Variants in TRIM14 observed in about 807,000 individuals in gnomAD.
The protein encoded by TRIM14 is tripartite motif-containing protein 14.
A neutral mutation model predicts 44.5 loss-of-function variants in TRIM14; 28 were observed. That is an observed-to-expected ratio of 0.63 (90% confidence interval 0.47 to 0.86). The LOEUF is 0.86. Among genes scored for constraint, TRIM14 ranks in the 40% least tolerant of loss-of-function variants. The pLI, the probability that TRIM14 is intolerant of heterozygous loss-of-function variation, is 0.00. For synonymous variants in TRIM14, 299 were observed against 269.2 expected (o/e 1.11, Z -1.08); for missense variants, 607 against 611.1 (o/e 0.99, Z 0.07).
downstream of TRIM14, chr9:98,081,085 G>A (rs1218711861): frequency 3.7e-6 from 6 of 1,614,088 alleles, no homozygotes; most frequent in Middle Eastern, 1.7e-4. Context: ...ATGAGAAGGT[G>A]TGTCCTGCCG....
chr9:98,061,252 G>T, the TRIM14 span: 1 of 447,346 alleles, frequency 2.2e-6, no homozygotes, highest in Non-Finnish European at 4.1e-6. Flanking sequence ...TGAGGGGGAT[G>T]GATCACCTGA....
At chr9:98,098,460 C>G (rs957111859) in intron 3 of TRIM14, among the ~76,000 whole-genome samples, 1 of 151,980 alleles carries the variant, frequency 6.6e-6, no homozygotes, top group African/African-American at 2.4e-5. Context: ...GCCTGTAATC[C>G]CAGCACTTTG....
In TRIM14 at chr9:98,087,818, G is replaced by A; in HGVS notation, c.981C>T (p.Asp327=). The part of the protein sequence containing the change: ...FATGRHYWEV[D]VQEAGAGWWV... Reference sequence around the variant, plus strand: ...ACCAGCCGGCGCCCGCCTCCTGCACGTCAACCTCCCAGTAGTGGCGGCCGG... The same window carrying A: ...ACCAGCCGGCGCCCGCCTCCTGCACATCAACCTCCCAGTAGTGGCGGCCGG... Residue 327 remains aspartate, a synonymous_variant, in exon 6 of 6, where the codon GAC becomes GAT. Transcript: ENST00000341469. The A allele has an allele frequency of 6.5e-7, 1 of 1,530,674 alleles. No homozygotes were observed. The highest frequency in any genetic ancestry group is 1.2e-5 in the South Asian group (1 of 82,536). 94.8% of individuals were successfully genotyped at this position (1,530,674 alleles called of 1,614,324 possible). A position where few individuals can be genotyped will look rare whatever the true frequency, so the allele number is the denominator to read the frequency against.
the TRIM14 span, among the ~76,000 whole-genome samples, chr9:98,059,451 G>C: frequency 3.9e-5 from 6 of 152,104 alleles, no homozygotes; most frequent in African/African-American, 1.4e-4. Flanking sequence ...GTCTCACTCT[G>C]TTGCTCAGGC....
downstream of TRIM14, among the ~76,000 whole-genome samples, chr9:98,065,652 T>TC (rs921547175): frequency 4.0e-5 from 6 of 150,956 alleles, no homozygotes; most frequent in African/African-American, 1.5e-4. Flanking sequence ...TTTTTTTTTT[T>TC]CCCCCTGGAG....
chr9:98,048,344 G>T, the TRIM14 span, among the ~76,000 whole-genome samples: 1 of 152,086 alleles, frequency 6.6e-6, no homozygotes, highest in East Asian at 1.9e-4. Context: ...TCCTCACCCT[G>T]TTCTACAAAG....
the TRIM14 span, among the ~76,000 whole-genome samples, chr9:98,042,748 T>G: frequency 1.1e-4 from 17 of 151,858 alleles, no homozygotes; most frequent in African/African-American, 3.6e-4. Context: ...TGCGCACCTG[T>G]AGTACCAGCT....
chr9:98,073,610 C>T (rs1210716204), intron 6 of TRIM14, among the ~76,000 whole-genome samples: 2 of 149,318 alleles, frequency 1.3e-5, no homozygotes, highest in African/African-American at 4.9e-5. Context: ...TTTTCCAATC[C>T]TGAAGGATCC....
intron 3 of TRIM14, among the ~76,000 whole-genome samples, chr9:98,099,507 T>A (rs1826312041): frequency 6.7e-6 from 1 of 149,622 alleles, no homozygotes; most frequent in Admixed American, 6.6e-5. Flanking sequence ...GCAGGGTCCC[T>A]TGTGGGTTTA....
chr9:98,080,847 T>C (rs775287975), downstream of TRIM14: 49 of 1,604,980 alleles, frequency 3.1e-5, no homozygotes, highest in Middle Eastern at 1.7e-4. Context: ...GACATTCCCA[T>C]AGGGTATTCT....
intron 3 of TRIM14, among the ~76,000 whole-genome samples, chr9:98,098,493 C>T (rs1328185403): frequency 2.0e-5 from 3 of 151,928 alleles, no homozygotes; most frequent in Non-Finnish European, 4.4e-5. Context: ...GGGCGGATCA[C>T]GAGGTCAGGA....
the TRIM14 span, among the ~76,000 whole-genome samples, chr9:98,046,478 G>A: frequency 1.3e-5 from 2 of 151,120 alleles, no homozygotes; most frequent in Admixed American, 6.6e-5. Flanking sequence ...TTTCGTTCTT[G>A]TTGCCCAGGC....
intron 1 of TRIM14, among the ~76,000 whole-genome samples, chr9:98,112,522 A>C (rs10985099): frequency 0.11 from 16,830 of 152,006 alleles, 2,794 homozygotes; most frequent in African/African-American, 0.36. Context: ...AGGAAATGGC[A>C]GGGTGTGGTG....
intron 2 of TRIM14, among the ~76,000 whole-genome samples, chr9:98,108,943 T>C (rs1449530035): frequency 2.0e-5 from 3 of 149,648 alleles, no homozygotes; most frequent in Non-Finnish European, 4.4e-5. Context: ...AGTGACGTGA[T>C]CCTAGGTCAC....
At chr9:98,043,336 C>A in the TRIM14 span, among the ~76,000 whole-genome samples, 1 of 152,112 alleles carries the variant, frequency 6.6e-6, no homozygotes, top group African/African-American at 2.4e-5. Context: ...TGCCACCATG[C>A]CCAGCTAATT....
At chr9:98,093,280 C>T (rs1277562389) in intron 4 of TRIM14, among the ~76,000 whole-genome samples, 2 of 152,180 alleles carry the variant, frequency 1.3e-5, no homozygotes, top group African/African-American at 2.4e-5. Flanking sequence ...TCAGGACCTC[C>T]ACCCTTGCTT....
the TRIM14 span, among the ~76,000 whole-genome samples, chr9:98,043,182 A>ATTT: frequency 2.1e-5 from 3 of 144,336 alleles, no homozygotes; most frequent in East Asian, 2.0e-4. Flanking sequence ...CTAAATTTGC[A>ATTT]TTTTTTTTTT....
chr9:98,082,898 C>T (rs573083122), downstream of TRIM14: 3 of 1,614,176 alleles, frequency 1.9e-6, no homozygotes, highest in African/African-American at 2.7e-5. Flanking sequence ...ACCATTCTAA[C>T]AATGGACATG....
chr9:98,115,237 A>G (rs144522338), intron 1 of TRIM14, among the ~76,000 whole-genome samples: 2,892 of 150,366 alleles, frequency 0.019, 99 homozygotes, highest in African/African-American at 0.067. Context: ...CTACAGGTAC[A>G]TGCCACCACG....
Sources: allele counts gnomAD v4.1 joint callset (sites outside exome capture counted in the v4.1 genomes callset), GRCh38; gene constraint gnomAD v4.1.1; transcripts MANE v1.5; gene names NCBI Gene and HGNC (gene_info 2026-07-23, HGNC 2026-07-21).